SCUBE1: variants seen among roughly 807,000 people sequenced by gnomAD.
SCUBE1 encodes signal peptide, CUB domain and EGF like domain containing 1.
Under a neutral mutation model 124.4 loss-of-function variants are expected in SCUBE1, and 59 were observed. The observed-to-expected ratio is 0.47, with a 90% CI of 0.38 to 0.59. The LOEUF (loss-of-function observed/expected upper bound fraction) is 0.59. Ranked by LOEUF, SCUBE1 falls within the 20% of genes least tolerant of loss-of-function variation. The pLI is 0.00. For synonymous variants in SCUBE1, 545 were observed against 550.9 expected (o/e 0.99, Z 0.15); for missense variants, 1,150 against 1,371.2 (o/e 0.84, Z 2.55).
At chr22:43,269,010 T>C (rs1924185404) in intron 4 of SCUBE1, among the ~76,000 whole-genome samples, 1 of 152,174 alleles carries the variant, frequency 6.6e-6, no homozygotes, top group South Asian at 2.1e-4. Flanking sequence ...TTCTGAGTTT[T>C]CTGGAAGAAG....
In SCUBE1 at chr22:43,258,310, G is replaced by A. The variant is rs1054978517; in HGVS notation, c.636C>T (p.Gly212=). Residue 212 remains glycine, a synonymous_variant, in exon 6 of 22, where the codon GGC becomes GGT. Transcript: ENST00000360835. The surrounding 1 kb of genome is among the most constrained non-coding windows in gnomAD (Gnocchi z 5.0). ...CTLTCNYGNG[G]CQHSCEDTDT... ...CTGTGTCCTCACAGCTGTGCTGGCA[G>A]CCTCCGTTTCCATAATTACAGGTTA... 6.2e-7 allele frequency: 1 copy of A among 1,613,910 alleles called. No homozygotes were observed. The highest frequency in any genetic ancestry group is 1.3e-5 in the African/African-American group (1 of 74,922).
At chr22:43,227,277 G>T in intron 10 of SCUBE1, 97 bp downstream of exon 10, 2 of 1,385,896 alleles carry the variant, frequency 1.4e-6, no homozygotes, top group African/African-American at 1.4e-5. Flanking sequence ...GGAAAGGGAG[G>T]GGCTGTCCTG....
rs116600414 is a variant in SCUBE1 at position 43,198,355 on chromosome 22, C to T, written c.*5642G>A. ...CATCGCAGCAGATGCTGGGAGGGCA[C>T]GCAGGCCATGCCTGTGTTGTCTGGG... On this transcript the variant is annotated 3_prime_UTR_variant, in exon 22 of 22. Transcript: ENST00000360835. 6 of 361,262 alleles carry T rather than the reference C, an allele frequency of 1.7e-5. No individual in the cohort carries two copies. Among genetic ancestry groups the T allele is most frequent in the South Asian group, 6.2e-5 (3 of 48,618 alleles). 22.4% of individuals were successfully genotyped at this position (361,262 alleles called of 1,614,324 possible). A position where few individuals can be genotyped will look rare whatever the true frequency, so the allele number is the denominator to read the frequency against.
intron 6 of SCUBE1, among the ~76,000 whole-genome samples, chr22:43,241,954 C>A (rs59989848): frequency 1.5e-3 from 228 of 152,364 alleles, no homozygotes; most frequent in African/African-American, 5.3e-3. Context: ...CGCTTCGGGG[C>A]CTGGGGCAGG....
Position 43,255,572 on chromosome 22 carries a change from C to T in SCUBE1, c.727+2647G>A. 1 of 1,550,438 alleles carries T rather than the reference C, an allele frequency of 6.4e-7. No homozygotes were observed. The highest frequency in any genetic ancestry group is 8.7e-7 in the Non-Finnish European group (1 of 1,146,904). Reference sequence around the variant, plus strand: ...TGAGAGCGCTCAATTGCAGCCTCATCCTTCTCTAAAACACAAGTAAGGGAC... The same window carrying T: ...TGAGAGCGCTCAATTGCAGCCTCATTCTTCTCTAAAACACAAGTAAGGGAC... On this transcript the variant is annotated intron_variant, in intron 6 of 21. Coordinates refer to ENST00000360835, the MANE Select transcript of SCUBE1 (RefSeq NM_173050.5). The surrounding 1 kb of genome is among the most constrained non-coding windows in gnomAD (Gnocchi z 4.7).
At chr22:43,214,975 A>AC (rs889363350) in intron 15 of SCUBE1, among the ~76,000 whole-genome samples, 3 of 150,114 alleles carry the variant, frequency 2.0e-5, no homozygotes, top group Admixed American at 6.6e-5. Context: ...TGGTTTTAGA[A>AC]CCCCCCCACC....
intron 3 of SCUBE1, among the ~76,000 whole-genome samples, chr22:43,300,054 T>C (rs751611789): frequency 6.6e-6 from 1 of 152,216 alleles, no homozygotes; most frequent in Admixed American, 6.5e-5. Flanking sequence ...TTGTGCTGGC[T>C]TTGTGGCTGT....
At position 43,222,632 on chromosome 22, in the gene SCUBE1, G is replaced by A. The variant is rs745429107; in HGVS notation, c.1432+6C>T. The A allele has an allele frequency of 1.3e-6, 2 of 1,577,980 alleles. No homozygotes were observed. Among genetic ancestry groups the A allele is most frequent in the South Asian group, 1.1e-5 (1 of 87,158 alleles). On this transcript the variant is annotated splice_donor_region_variant and intron_variant, in intron 12 of 21. Transcript: ENST00000360835. ...GCATGCAGCATGGACAGGCCGGGGGGGTTACCTGAGCAGCTGGGCCCGAGG... is the reference window on the plus strand; with the variant it reads ...GCATGCAGCATGGACAGGCCGGGGGAGTTACCTGAGCAGCTGGGCCCGAGG...
At chr22:43,304,664 T>C (rs1421867319) in intron 3 of SCUBE1, among the ~76,000 whole-genome samples, 1 of 152,170 alleles carries the variant, frequency 6.6e-6, no homozygotes, top group African/African-American at 2.4e-5. Context: ...ATGGCTCATT[T>C]GACAGAGACT....
chr22:43,250,598 G>A (rs528730464), intron 6 of SCUBE1, among the ~76,000 whole-genome samples: 123 of 152,348 alleles, frequency 8.1e-4, no homozygotes, highest in African/African-American at 2.8e-3. Flanking sequence ...CCTCAGGGGT[G>A]CGGGGAGAGG....
At chr22:43,340,195 C>G (rs1160954707) in intron 1 of SCUBE1, among the ~76,000 whole-genome samples, 1 of 151,966 alleles carries the variant, frequency 6.6e-6, no homozygotes, top group Non-Finnish European at 1.5e-5. Flanking sequence ...ACCAAAGTGT[C>G]TGGTGGCAGA....
intron 4 of SCUBE1, chr22:43,270,338 G>A (rs142945910): frequency 6.6e-6 from 1 of 152,346 alleles, no homozygotes; most frequent in Non-Finnish European, 1.5e-5. Flanking sequence ...CAAGCATTTT[G>A]GATAAAGGAT....
intron 14 of SCUBE1, 76 bp from the exon 15 acceptor site, chr22:43,218,534 C>T: frequency 6.7e-7 from 1 of 1,502,872 alleles, no homozygotes. Flanking sequence ...GAGGGCTCCC[C>T]CGTGCCAGGC....
At chr22:43,328,663 T>C (rs1239974855) in intron 2 of SCUBE1, among the ~76,000 whole-genome samples, 1 of 152,188 alleles carries the variant, frequency 6.6e-6, no homozygotes, top group East Asian at 1.9e-4. Flanking sequence ...GGCTCTCAGC[T>C]TGGGCTTCTT....
intron 2 of SCUBE1, among the ~76,000 whole-genome samples, chr22:43,323,340 C>G (rs1926618938): frequency 6.6e-6 from 1 of 152,018 alleles, no homozygotes; most frequent in African/African-American, 2.4e-5. Context: ...CATCCATCTA[C>G]TCACCCTCAA....
At chr22:43,229,004 G>C (rs2146676602) in intron 9 of SCUBE1, 68 bp downstream of exon 9, 1 of 1,136,532 alleles carries the variant, frequency 8.8e-7, no homozygotes, top group Non-Finnish European at 1.3e-6. Flanking sequence ...GCGGGGTGCA[G>C]TGTAGGTGGC....
chr22:43,302,824 C>T (rs1279668840), intron 3 of SCUBE1, among the ~76,000 whole-genome samples: 2 of 152,174 alleles, frequency 1.3e-5, no homozygotes, highest in African/African-American at 2.4e-5. Context: ...GGAACCAAAG[C>T]GAGAAGCTGT....
intron 21 of SCUBE1, among the ~76,000 whole-genome samples, chr22:43,204,578 C>T (rs1184989182): frequency 6.6e-6 from 1 of 151,114 alleles, no homozygotes; most frequent in Non-Finnish European, 1.5e-5. Context: ...GGATTACAGG[C>T]GTGAGCCACG....
rs145976658 is a variant in SCUBE1 at position 43,222,738 on chromosome 22, C to T, written c.1332G>A (p.Ser444=). The change falls in exon 12 of 22, where the codon TCG becomes TCA. Residue 444 remains serine, a synonymous_variant. Coordinates refer to ENST00000360835, the MANE Select transcript of SCUBE1 (RefSeq NM_173050.5). ...CPAHTLFVPD[S]ENSYVLSCGV... ...CGCAGCTCAGGACGTAGCTATTTTC[C>T]GAGTCTGCAGAGAAGCCGGTGGGTG... 5.4e-5 allele frequency: 86 copies of T among 1,599,078 alleles called. No homozygotes were observed. Among genetic ancestry groups the T allele is most frequent in the Middle Eastern group, 1.6e-4 (1 of 6,064 alleles).
Sources: gnomAD v4.1 joint callset for allele counts (sites outside exome capture counted in the v4.1 genomes callset) on GRCh38, gnomAD v4.1.1 for gene constraint, Gnocchi (gnomAD v3.1) non-coding constraint, MANE v1.5 for transcripts, NCBI Gene and HGNC (gene_info 2026-07-23, HGNC 2026-07-21) for gene names.